KCNQ3: variants seen among roughly 807,000 people sequenced by gnomAD.
KCNQ3 encodes potassium voltage-gated channel subfamily KQT member 3.
KCNQ3 carries 30 observed loss-of-function variants against 92.5 expected under a neutral mutation model. That is an observed-to-expected ratio of 0.32 (90% CI 0.24 to 0.44). The LOEUF is 0.44. KCNQ3 is among the 20% of genes least tolerant of loss of function. The pLI, the probability that KCNQ3 is intolerant of heterozygous loss-of-function variation, is 1.00. For synonymous variants in KCNQ3, 450 were observed against 468.8 expected, an observed-to-expected ratio of 0.96 and a Z score of 0.52; for missense variants, 913 against 1,140.3, an observed-to-expected ratio of 0.80 and a Z score of 2.87.
chr8:132,316,257 A>G (rs778161751), intron 1 of KCNQ3, among the ~76,000 whole-genome samples: 3 of 152,082 alleles, frequency 2.0e-5, no homozygotes, highest in African/African-American at 4.8e-5. Context: ...TTACATTTAC[A>G]TGTTCAACTT....
At chr8:132,323,451 C>T (rs980725251) in intron 1 of KCNQ3, among the ~76,000 whole-genome samples, 2 of 152,188 alleles carry the variant, frequency 1.3e-5, no homozygotes, top group African/African-American at 2.4e-5. Flanking sequence ...ATGCGGCCCA[C>T]AAAGCCCAAA....
chr8:132,337,518 C>T (rs1488300958), intron 1 of KCNQ3, among the ~76,000 whole-genome samples: 1 of 151,908 alleles, frequency 6.6e-6, no homozygotes, highest in African/African-American at 2.4e-5. Flanking sequence ...AAAACAAAAA[C>T]AAACAAACAA....
At chr8:132,166,362 T>A (rs1379754950) in intron 8 of KCNQ3, among the ~76,000 whole-genome samples, 1 of 152,190 alleles carries the variant, frequency 6.6e-6, no homozygotes. Flanking sequence ...AAGCAATGTC[T>A]GATTTTTAAC....
In KCNQ3 at chr8:132,129,305, C is replaced by T; in HGVS notation, c.2576G>A (p.Gly859Glu). The part of the protein sequence containing the change: ...GSMPLSSTGD[G>E]ISDSVWTPSN... ...AGGGGTCCATACTGAATCAGAAATC[C>T]CATCCCCTGTGGACGACAGAGGCAT... The change falls in exon 15 of 15, where the codon GGG becomes GAG. Residue 859 changes from glycine (G) to glutamate (E), a missense_variant. Around this residue, in one of 6 missense-constraint regions of KCNQ3, gnomAD observed 375 missense variants for 376.4 expected, o/e 1.00. Coordinates refer to ENST00000388996, the MANE Select transcript of KCNQ3 (RefSeq NM_004519.4). This position sits in a 1 kb window ranked among gnomAD's most constrained non-coding sequence, Gnocchi z 5.9. 1.2e-6 allele frequency: 2 copies of T among 1,613,976 alleles called. No individual in the cohort carries two copies. The highest frequency in any genetic ancestry group is 1.7e-6 in the Non-Finnish European group (2 of 1,180,026).
rs1818319399 is a variant in KCNQ3 at position 132,334,717 on chromosome 8, C to T, written c.386+145430G>A. Among the ~76,000 whole-genome samples the T allele has an allele frequency of 3.9e-5, 6 of 152,308 alleles. No homozygotes were observed. In the South Asian group the frequency reaches 1.2e-3, roughly 32 times the overall value. Reference sequence around the variant, plus strand: ...GCAAGGAGGCAGGTGAAACCCAAAACTCATTGATACATTCAAGAGCGTTTC... The same window carrying T: ...GCAAGGAGGCAGGTGAAACCCAAAATTCATTGATACATTCAAGAGCGTTTC... On this transcript the variant is annotated intron_variant, in intron 1 of 14. Transcript: ENST00000388996.
At chr8:132,136,949 CG>C (rs1182448319) in intron 12 of KCNQ3, among the ~76,000 whole-genome samples, 8 of 38,666 alleles carry the variant, frequency 2.1e-4, no homozygotes, top group South Asian at 5.2e-4. Flanking sequence ...CTGCAACCTC[CG>C]CCCCCCCAGG....
At chr8:132,338,232 CA>C (rs1035600024) in intron 1 of KCNQ3, among the ~76,000 whole-genome samples, 1 of 152,184 alleles carries the variant, frequency 6.6e-6, no homozygotes, top group African/African-American at 2.4e-5. Flanking sequence ...GAGGCTTAGG[CA>C]TGGCCCAAGG....
At chr8:132,448,908 T>A (rs1821758421) in intron 1 of KCNQ3, among the ~76,000 whole-genome samples, 1 of 152,208 alleles carries the variant, frequency 6.6e-6, no homozygotes. Flanking sequence ...AACACAAATG[T>A]CAGCCCTGGC....
intron 1 of KCNQ3, among the ~76,000 whole-genome samples, chr8:132,300,632 G>A (rs1035264189): frequency 3.9e-5 from 6 of 152,184 alleles, no homozygotes; most frequent in African/African-American, 1.4e-4. Context: ...GCCCTAGCAG[G>A]TGAGGAATAG....
chr8:132,338,654 C>T (rs1205199609), intron 1 of KCNQ3, among the ~76,000 whole-genome samples: 1 of 152,182 alleles, frequency 6.6e-6, no homozygotes, highest in Non-Finnish European at 1.5e-5. Flanking sequence ...TCAAATGGCG[C>T]CCGCCAGTCC....
chr8:132,226,019 C>T (rs1343848536), intron 1 of KCNQ3, among the ~76,000 whole-genome samples: 1 of 152,102 alleles, frequency 6.6e-6, no homozygotes, highest in South Asian at 2.1e-4. Flanking sequence ...AGCCTGTAAT[C>T]CCAGCACTTT....
At chr8:132,455,790 G>T (rs985214123) in intron 1 of KCNQ3, among the ~76,000 whole-genome samples, 3 of 152,150 alleles carry the variant, frequency 2.0e-5, no homozygotes, top group Admixed American at 2.0e-4. Flanking sequence ...CGCCCAGGCT[G>T]GAGTATAGTG....
intron 1 of KCNQ3, among the ~76,000 whole-genome samples, chr8:132,443,229 T>C (rs1334831489): frequency 2.6e-5 from 4 of 152,090 alleles, no homozygotes; most frequent in East Asian, 1.9e-4. Context: ...CCCCCACCTA[T>C]GGGAATCACA....
At chr8:132,429,356 T>G (rs1045762735) in intron 1 of KCNQ3, among the ~76,000 whole-genome samples, 2 of 152,210 alleles carry the variant, frequency 1.3e-5, no homozygotes, top group Non-Finnish European at 2.9e-5. Flanking sequence ...TAGCTCTATA[T>G]GACAGATGAT....
At chr8:132,136,035 C>T (rs1825071089) in intron 12 of KCNQ3, among the ~76,000 whole-genome samples, 1 of 137,258 alleles carries the variant, frequency 7.3e-6, no homozygotes, top group African/African-American at 2.8e-5. Context: ...AGGAGAATCA[C>T]TTGAACCCGG....
intron 1 of KCNQ3, among the ~76,000 whole-genome samples, chr8:132,297,213 C>A (rs1817061990): frequency 1.3e-5 from 2 of 152,188 alleles, no homozygotes; most frequent in South Asian, 4.2e-4. Flanking sequence ...CTGTTCATAT[C>A]CTTCACCCAC....
At chr8:132,333,722 T>A (rs1265660666) in intron 1 of KCNQ3, among the ~76,000 whole-genome samples, 1 of 146,892 alleles carries the variant, frequency 6.8e-6, no homozygotes, top group African/African-American at 2.5e-5. Flanking sequence ...TACTGTGAAC[T>A]CTTTATGAAA....
chr8:132,199,648 G>A (rs930691541), intron 1 of KCNQ3, among the ~76,000 whole-genome samples: 3 of 152,144 alleles, frequency 2.0e-5, no homozygotes, highest in Non-Finnish European at 2.9e-5. Flanking sequence ...GGTGGCTCAC[G>A]CCTGTAATCC....
chr8:132,228,477 G>A (rs1814505785), intron 1 of KCNQ3, among the ~76,000 whole-genome samples: 1 of 152,046 alleles, frequency 6.6e-6, no homozygotes, highest in Admixed American at 6.6e-5. Context: ...CTGCTTCCAA[G>A]GAGCTCAAAA....
Sources: allele counts gnomAD v4.1 joint callset (sites outside exome capture counted in the v4.1 genomes callset), GRCh38; gene constraint gnomAD v4.1.1; regional missense constraint gnomAD v4.1.1; non-coding constraint Gnocchi (gnomAD v3.1); transcripts MANE v1.5; gene names NCBI Gene and HGNC (gene_info 2026-07-23, HGNC 2026-07-21).